Variants in RBPJ observed in about 807,000 individuals in gnomAD.
RBPJ encodes the protein recombination signal binding protein for immunoglobulin kappa J region, also known as recombining binding protein suppressor of hairless.
In RBPJ, 9 loss-of-function variants were observed where a neutral mutation model predicts 67.8. That is an observed-to-expected ratio of 0.13 (90% confidence interval 0.08 to 0.23). The LOEUF is 0.23. Ranked by LOEUF, RBPJ falls within the 10% of genes least tolerant of loss-of-function variation. RBPJ has a pLI of 1.00. For synonymous variants in RBPJ, 198 were observed against 203.3 expected, an observed-to-expected ratio of 0.97 and a Z score of 0.22; for missense variants, 305 against 595.6, an observed-to-expected ratio of 0.51 and a Z score of 5.08.
intron 1 of RBPJ, among the ~76,000 whole-genome samples, chr4:26,280,037 T>C (rs1450182013): frequency 6.6e-6 from 1 of 151,432 alleles, no homozygotes; most frequent in Admixed American, 6.5e-5. Flanking sequence ...TCCACCCACT[T>C]TGGCCTCCCA....
intron 1 of RBPJ, among the ~76,000 whole-genome samples, chr4:26,304,974 T>G (rs1160966633): frequency 6.6e-6 from 1 of 152,188 alleles, no homozygotes; most frequent in Non-Finnish European, 1.5e-5. Context: ...TTTATAGCTT[T>G]GGTTTTTAGA....
chr4:26,410,216 G>A (rs1227277319), intron 3 of RBPJ: 1 of 268,204 alleles, frequency 3.7e-6, no homozygotes, highest in Non-Finnish European at 7.5e-6. Flanking sequence ...AGTTGCAAAG[G>A]CGTAAGGCGT....
intron 1 of RBPJ, among the ~76,000 whole-genome samples, chr4:26,336,166 C>G (rs1425522244): frequency 6.6e-6 from 1 of 152,164 alleles, no homozygotes; most frequent in East Asian, 1.9e-4. Context: ...TAAATCGATG[C>G]AAAGTGAGTA....
At chr4:26,109,438 CTCTCTCTCTCTCTCTCTCTCTCTATA>C in the RBPJ span, among the ~76,000 whole-genome samples, 2 of 34,286 alleles carry the variant, frequency 5.8e-5, no homozygotes, top group African/African-American at 2.1e-4. Flanking sequence ...CTCTCTCTCT[CTCTCTCTCTCTCTCTCTCTCTCTATA>C]TATATATATA....
intron 5 of RBPJ, among the ~76,000 whole-genome samples, chr4:26,422,683 T>TA (rs1352047985): frequency 2.0e-5 from 3 of 152,212 alleles, no homozygotes; most frequent in Non-Finnish European, 4.4e-5. Flanking sequence ...ACTTAGTTTT[T>TA]ATTACGGAAA....
intron 1 of RBPJ, among the ~76,000 whole-genome samples, chr4:26,275,782 C>A (rs2109269524): frequency 6.6e-6 from 1 of 152,136 alleles, no homozygotes; most frequent in East Asian, 2.0e-4. Context: ...AGGCGTGCAC[C>A]ACCACACCCA....
intron 1 of RBPJ, among the ~76,000 whole-genome samples, chr4:26,209,589 C>T (rs1165915855): frequency 1.2e-4 from 17 of 139,932 alleles, no homozygotes; most frequent in Non-Finnish European, 1.6e-4. Context: ...CTGTCTCCCT[C>T]CCTTCCTCCT....
At chr4:26,181,368 C>T (rs760948182) in intron 1 of RBPJ, among the ~76,000 whole-genome samples, 2 of 152,108 alleles carry the variant, frequency 1.3e-5, no homozygotes, top group Non-Finnish European at 1.5e-5. Flanking sequence ...TAAAGAAGAC[C>T]GCATTCAGAA....
chr4:26,330,588 AT>A (rs1253686175), intron 1 of RBPJ, among the ~76,000 whole-genome samples: 3 of 152,224 alleles, frequency 2.0e-5, no homozygotes, highest in Non-Finnish European at 4.4e-5. Context: ...TGCCTTTAGA[AT>A]ATGTCCTGTA....
intron 1 of RBPJ, among the ~76,000 whole-genome samples, chr4:26,307,643 C>A (rs892613169): frequency 6.6e-6 from 1 of 152,132 alleles, no homozygotes; most frequent in African/African-American, 2.4e-5. Context: ...ATGCTTCTCC[C>A]AGACGATAGT....
intron 1 of RBPJ, among the ~76,000 whole-genome samples, chr4:26,235,557 T>G (rs538953006): frequency 1.4e-4 from 21 of 152,368 alleles, no homozygotes; most frequent in Non-Finnish European, 2.5e-4. Flanking sequence ...TCTTTGGTGA[T>G]GCAATTTAGG....
At chr4:26,362,686 A>G (rs1053979070) in intron 1 of RBPJ, 2 of 1,354,236 alleles carry the variant, frequency 1.5e-6, no homozygotes, top group African/African-American at 2.9e-5. Context: ...AACACTCATG[A>G]TTCTGTATTT....
At chr4:26,332,900 T>C (rs1268787216) in intron 1 of RBPJ, among the ~76,000 whole-genome samples, 2 of 152,194 alleles carry the variant, frequency 1.3e-5, no homozygotes, top group Non-Finnish European at 1.5e-5. Context: ...CCTCCCACTT[T>C]GGCCTCCCAA....
the RBPJ span, among the ~76,000 whole-genome samples, chr4:26,120,434 T>G: frequency 6.6e-6 from 1 of 152,184 alleles, no homozygotes; most frequent in Non-Finnish European, 1.5e-5. Context: ...ATACCTGAAA[T>G]CGTTCTCTCG....
chr4:26,327,303 A>T (rs1723732285), intron 1 of RBPJ, among the ~76,000 whole-genome samples: 1 of 152,156 alleles, frequency 6.6e-6, no homozygotes, highest in African/African-American at 2.4e-5. Flanking sequence ...ATCCGTATAG[A>T]TATTTGTGTA....
intron 2 of RBPJ, among the ~76,000 whole-genome samples, chr4:26,393,589 A>G (rs1022862684): frequency 2.0e-5 from 3 of 151,562 alleles, no homozygotes; most frequent in Non-Finnish European, 2.9e-5. Context: ...GGCCCAGGCT[A>G]GTCTTGAACT....
upstream of RBPJ, among the ~76,000 whole-genome samples, chr4:26,315,167 A>T (rs28656405): frequency 1.6e-3 from 116 of 74,666 alleles, 1 homozygote; most frequent in East Asian, 6.4e-3. Flanking sequence ...AAAAAAAAAA[A>T]ATATATATAT....
At chr4:26,329,452 G>A (rs1421123610) in intron 1 of RBPJ, among the ~76,000 whole-genome samples, 2 of 152,114 alleles carry the variant, frequency 1.3e-5, no homozygotes, top group Non-Finnish European at 2.9e-5. Context: ...GGTGATGTAG[G>A]GAACTTGGGA....
intron 1 of RBPJ, among the ~76,000 whole-genome samples, chr4:26,234,606 C>T (rs1318996968): frequency 2.0e-5 from 3 of 152,192 alleles, no homozygotes; most frequent in Non-Finnish European, 4.4e-5. Flanking sequence ...AACCCTGTCT[C>T]TGTCCCCCGT....
Sources: allele counts gnomAD v4.1 joint callset (sites outside exome capture counted in the v4.1 genomes callset), GRCh38; gene constraint gnomAD v4.1.1; transcripts MANE v1.5; gene names NCBI Gene and HGNC (gene_info 2026-07-23, HGNC 2026-07-21).